FMN1: variants seen among roughly 807,000 people sequenced by gnomAD.
The protein encoded by FMN1 is formin 1, also known as formin-1.
Under a neutral mutation model 132.4 loss-of-function variants are expected in FMN1, and 110 were observed. The ratio of observed to expected loss-of-function variants is 0.83; its 90% confidence interval spans 0.71 to 0.97. FMN1 has a LOEUF of 0.97. Ranked by LOEUF, FMN1 falls within the 50% of genes least tolerant of loss-of-function variation. FMN1 has a pLI of 0.00. For missense variants in FMN1, 1,792 were observed against 1,705.3 expected, an observed-to-expected ratio of 1.05 and a Z score of -0.90; for synonymous variants, 722 against 651.7, an observed-to-expected ratio of 1.11 and a Z score of -1.64.
intron 5 of FMN1, among the ~76,000 whole-genome samples, chr15:33,088,290 G>A (rs345799): frequency 0.091 from 13,862 of 152,172 alleles, 1,490 homozygotes; most frequent in African/African-American, 0.26. Context: ...AAGGGAGGTG[G>A]TTATGTTTTT....
intron 5 of FMN1, among the ~76,000 whole-genome samples, chr15:33,078,383 A>G (rs2038307269): frequency 6.6e-6 from 1 of 152,146 alleles, no homozygotes; most frequent in Non-Finnish European, 1.5e-5. Flanking sequence ...GTGGTACATC[A>G]TTTTAATTGG....
chr15:32,959,007 C>T (rs2030181923), intron 9 of FMN1, among the ~76,000 whole-genome samples: 1 of 147,062 alleles, frequency 6.8e-6, no homozygotes, highest in African/African-American at 2.6e-5. Context: ...CACACCATTG[C>T]ACTCCAGCCT....
intron 16 of FMN1, among the ~76,000 whole-genome samples, chr15:32,865,223 A>C (rs1300124005): frequency 6.6e-5 from 10 of 152,232 alleles, no homozygotes; most frequent in Admixed American, 6.5e-4. Flanking sequence ...TGAATACACC[A>C]AAAGTCATCA....
intron 7 of FMN1, among the ~76,000 whole-genome samples, chr15:33,000,742 A>G (rs1229750947): frequency 6.6e-6 from 1 of 152,246 alleles, no homozygotes; most frequent in African/African-American, 2.4e-5. Context: ...TCTTGAAGAA[A>G]AAGGATTATG....
intron 7 of FMN1, among the ~76,000 whole-genome samples, chr15:32,995,681 A>G (rs954800025): frequency 1.3e-5 from 2 of 152,206 alleles, no homozygotes; most frequent in African/African-American, 4.8e-5. Flanking sequence ...ACCAATCATG[A>G]GAGAGATAAA....
intron 9 of FMN1, among the ~76,000 whole-genome samples, chr15:32,950,050 T>TACACATATATATATATACAC (rs2061611937): frequency 2.5e-4 from 1 of 3,936 alleles, no homozygotes; most frequent in African/African-American, 5.4e-4. Context: ...TATATATATA[T>TACACATATATATATATACAC]ACACATATAT....
intron 3 of FMN1, among the ~76,000 whole-genome samples, chr15:33,172,637 G>T (rs116633790): frequency 0.037 from 5,652 of 152,240 alleles, 148 homozygotes; most frequent in East Asian, 0.12. Context: ...TGTAACTTCT[G>T]CCTCATAAGG....
At chr15:33,160,777 C>T (rs1376346129) in intron 3 of FMN1, among the ~76,000 whole-genome samples, 1 of 152,168 alleles carries the variant, frequency 6.6e-6, no homozygotes, top group Non-Finnish European at 1.5e-5. Context: ...CACTTTGCTT[C>T]CCAGGGAGTC....
chr15:33,010,913 A>AT (rs1306712306), intron 6 of FMN1, among the ~76,000 whole-genome samples: 1 of 151,434 alleles, frequency 6.6e-6, no homozygotes, highest in Non-Finnish European at 1.5e-5. Flanking sequence ...AAAAAAAAAA[A>AT]TAAACGCAGA....
rs948827043 is a variant in FMN1 at position 32,873,054 on chromosome 15, G to A, written c.3835+15118C>T. On this transcript the variant is annotated intron_variant, in intron 16 of 20. Coordinates refer to ENST00000616417, the MANE Select transcript of FMN1 (RefSeq NM_001277313.2). ...GCAAAGCATGGAGCTGGCAGCCACT[G>A]CTAATCAGTTTGCCACTGTCTTCAG... Among the ~76,000 whole-genome samples the A allele has an allele frequency of 8.5e-5, 13 of 152,310 alleles. No homozygotes were observed. The South Asian group carries it at 1.7e-3, about 19-fold the overall frequency.
chr15:32,810,099 TAG>T (rs2057821757), intron 17 of FMN1, among the ~76,000 whole-genome samples: 1 of 152,066 alleles, frequency 6.6e-6, no homozygotes, highest in Non-Finnish European at 1.5e-5. Flanking sequence ...GTATCTTTAG[TAG>T]AGACAGGGTT....
chr15:33,016,990 T>A (rs138226548), intron 6 of FMN1, among the ~76,000 whole-genome samples: 96 of 152,328 alleles, frequency 6.3e-4, no homozygotes, highest in African/African-American at 2.1e-3. Flanking sequence ...ATGTGAATAA[T>A]AAATCTTTTC....
chr15:32,946,503 C>T (rs769742091), intron 9 of FMN1, among the ~76,000 whole-genome samples: 17 of 152,154 alleles, frequency 1.1e-4, no homozygotes, highest in Non-Finnish European at 2.5e-4. Context: ...ATGTACATTC[C>T]TAATTAGTCA....
At chr15:32,964,016 T>TATACACACACACACACAC (rs1555505892) in intron 9 of FMN1, 91 bp downstream of exon 9, 2 of 478,456 alleles carry the variant, frequency 4.2e-6, no homozygotes, top group African/African-American at 4.2e-5. Context: ...GTATATACGA[T>TATACACACACACACACAC]ACACACACAC....
chr15:32,945,425 G>C (rs944338598), intron 9 of FMN1, among the ~76,000 whole-genome samples: 1 of 152,078 alleles, frequency 6.6e-6, no homozygotes, highest in Non-Finnish European at 1.5e-5. Context: ...AAATAACAAA[G>C]TTTGCATGAC....
In FMN1 at chr15:33,090,618, T is replaced by C. The variant is rs191916668; in HGVS notation, c.1868-1644A>G. 8.5e-5 allele frequency among the ~76,000 whole-genome samples: 13 copies of C among 152,108 alleles called. No individual in the cohort carries two copies. In the East Asian group the frequency reaches 1.9e-3, roughly 23 times the overall value. On this transcript the variant is annotated intron_variant, in intron 4 of 20. Transcript: ENST00000616417. ...AGAGTATACCCAGGCTCTTCCTTCA[T>C]CTCGGTCAGATCCCTTAGAACAAAG...
intron 4 of FMN1, among the ~76,000 whole-genome samples, chr15:33,126,274 C>T (rs1248271869): frequency 6.6e-6 from 1 of 152,136 alleles, no homozygotes; most frequent in Non-Finnish European, 1.5e-5. Flanking sequence ...AAGGAAACAC[C>T]ACTGTGAGGC....
chr15:32,945,938 TA>T (rs1338421340), intron 9 of FMN1, among the ~76,000 whole-genome samples: 2 of 152,220 alleles, frequency 1.3e-5, no homozygotes, highest in African/African-American at 2.4e-5. Flanking sequence ...GCCATTGCCA[TA>T]ATGTACACTA....
At position 32,879,733 on chromosome 15, in the gene FMN1, T is replaced by G. The variant is rs974699993; in HGVS notation, c.3835+8439A>C. Among the ~76,000 whole-genome samples the G allele has an allele frequency of 2.6e-5, 4 of 152,172 alleles. No individual in the cohort carries two copies. In the East Asian group the frequency reaches 5.8e-4, roughly 22 times the overall value. The stretch of plus-strand genomic sequence containing the variant: ...GCAAAGTGCATGGTTTATCATGTGA[T>G]AAGAGGCAGAATTAACTTTAAACTT... On this transcript the variant is annotated intron_variant, in intron 16 of 20. Transcript: ENST00000616417.
Sources: gnomAD v4.1 joint callset for allele counts (sites outside exome capture counted in the v4.1 genomes callset) on GRCh38, gnomAD v4.1.1 for gene constraint, MANE v1.5 for transcripts, NCBI Gene and HGNC (gene_info 2026-07-23, HGNC 2026-07-21) for gene names.